CMTM8: variants seen among roughly 807,000 people sequenced by gnomAD.
CMTM8 encodes CKLF like MARVEL transmembrane domain containing 8.
In CMTM8, 12 loss-of-function variants were observed where a neutral mutation model predicts 18.6. The ratio of observed to expected loss-of-function variants is 0.65; its 90% confidence interval spans 0.41 to 1.05. The LOEUF (loss-of-function observed/expected upper bound fraction) is 1.05. Among genes scored for constraint, CMTM8 ranks in the 50% least tolerant of loss-of-function variants. The probability of loss-of-function intolerance (pLI) is 0.00; values close to 1 mark genes in which losing one functional copy is unlikely to be tolerated. For synonymous variants in CMTM8, 87 were observed against 90.6 expected, an observed-to-expected ratio of 0.96 and a Z score of 0.23; for missense variants, 217 against 227.2, an observed-to-expected ratio of 0.95 and a Z score of 0.29.
chr3:32,287,031 T>A (rs1702699867), intron 1 of CMTM8, among the ~76,000 whole-genome samples: 1 of 152,220 alleles, frequency 6.6e-6, no homozygotes, highest in Non-Finnish European at 1.5e-5. Flanking sequence ...AAAGGTGGAA[T>A]GGTGAGGTGC....
At chr3:32,306,703 A>T (rs9875310) in intron 1 of CMTM8, among the ~76,000 whole-genome samples, 1 of 152,018 alleles carries the variant, frequency 6.6e-6, no homozygotes, top group Non-Finnish European at 1.5e-5. Flanking sequence ...ATGAGACTGG[A>T]TACTTCCTTG....
chr3:32,355,725 A>G (rs775426899), intron 1 of CMTM8, among the ~76,000 whole-genome samples: 11 of 152,172 alleles, frequency 7.2e-5, no homozygotes, highest in Non-Finnish European at 2.9e-5. Context: ...TCCTGGGCTC[A>G]TATCATCTGA....
chr3:32,284,408 G>A (rs1221541250), intron 1 of CMTM8, among the ~76,000 whole-genome samples: 2 of 152,212 alleles, frequency 1.3e-5, no homozygotes, highest in Non-Finnish European at 2.9e-5. Flanking sequence ...GCAGCTGGAT[G>A]CCCTCTGCCA....
chr3:32,292,410 T>G (rs932928039), intron 1 of CMTM8, among the ~76,000 whole-genome samples: 1 of 152,202 alleles, frequency 6.6e-6, no homozygotes, highest in African/African-American at 2.4e-5. Context: ...CTCTCCTGTT[T>G]CCCATATGTT....
intron 1 of CMTM8, chr3:32,259,268 G>A (rs1702220484): frequency 1.6e-6 from 1 of 638,086 alleles, no homozygotes; most frequent in Non-Finnish European, 2.9e-6. Flanking sequence ...ACCGTGAACT[G>A]GAGGCTGGAG....
Position 32,326,408 on chromosome 3 carries a change from C to CT in CMTM8, c.148-30964dup, listed in dbSNP as rs1260740195. 2.0e-5 allele frequency among the ~76,000 whole-genome samples: 3 copies of CT among 152,104 alleles called. No homozygotes were observed. In the East Asian group the frequency reaches 5.8e-4, roughly 29 times the overall value. Reference sequence around the variant, plus strand: ...ACATTACCATCCAAAGTGTTGCTAACTCTATGGCCTTTTACCCTGTCCTCA... The same window carrying CT: ...ACATTACCATCCAAAGTGTTGCTAACTTCTATGGCCTTTTACCCTGTCCTCA... On this transcript the variant is annotated intron_variant, in intron 1 of 3. Coordinates refer to ENST00000307526, the MANE Select transcript of CMTM8 (RefSeq NM_178868.5).
chr3:32,279,993 G>A (rs542396771), intron 1 of CMTM8, among the ~76,000 whole-genome samples: 2 of 152,154 alleles, frequency 1.3e-5, no homozygotes, highest in East Asian at 1.9e-4. Context: ...AGAAGTGTCT[G>A]TTATTAATAA....
intron 1 of CMTM8, among the ~76,000 whole-genome samples, chr3:32,335,856 G>A (rs1696375738): frequency 6.6e-6 from 1 of 152,152 alleles, no homozygotes; most frequent in South Asian, 2.1e-4. Context: ...CTTGCAGGGC[G>A]GGAGATCAGA....
intron 2 of CMTM8, among the ~76,000 whole-genome samples, chr3:32,361,286 G>GTTTTTTTTTTGTTTTTT (rs58364646): frequency 6.9e-5 from 6 of 87,230 alleles, no homozygotes; most frequent in East Asian, 2.8e-4. Flanking sequence ...CAGCCTAAGA[G>GTTTTTTTTTTGTTTTTT]TTTTTTTTTC....
Position 32,319,074 on chromosome 3 carries a change from A to AT in CMTM8, c.148-38278dup, listed in dbSNP as rs1177949113. Among the ~76,000 whole-genome samples the AT allele has an allele frequency of 9.2e-4, 29 of 31,532 alleles. 2 individuals are homozygous for AT. The highest frequency in any genetic ancestry group is 1.2e-3 in the Non-Finnish European group (24 of 19,622). The allele number at this position is 31,532 out of a possible 152,430, so 20.7% of individuals were successfully genotyped here. A position where few individuals can be genotyped will look rare whatever the true frequency, so the allele number is the denominator to read the frequency against. Reference sequence around the variant, plus strand: ...TGTATATACATATATATATATATATATTTTTTTTTTTTTTTTTTTTTGAGA... The same window carrying AT: ...TGTATATACATATATATATATATATATTTTTTTTTTTTTTTTTTTTTTGAGA... On this transcript the variant is annotated intron_variant, in intron 1 of 3. Coordinates refer to ENST00000307526, the MANE Select transcript of CMTM8 (RefSeq NM_178868.5).
intron 1 of CMTM8, among the ~76,000 whole-genome samples, chr3:32,288,473 G>A (rs1261017253): frequency 2.7e-5 from 4 of 150,642 alleles, no homozygotes; most frequent in East Asian, 2.0e-4. Flanking sequence ...GTAGAGATGG[G>A]GGTCTCACTG....
At chr3:32,290,843 A>G (rs559408001) in intron 1 of CMTM8, among the ~76,000 whole-genome samples, 2 of 152,332 alleles carry the variant, frequency 1.3e-5, no homozygotes, top group East Asian at 3.9e-4. Flanking sequence ...GTGCAGGCCA[A>G]CTAATCTCAC....
At chr3:32,303,790 G>A (rs1695671673) in intron 1 of CMTM8, among the ~76,000 whole-genome samples, 1 of 152,050 alleles carries the variant, frequency 6.6e-6, no homozygotes, top group African/African-American at 2.4e-5. Flanking sequence ...TATTTTTGTT[G>A]TGGTTGTTGT....
chr3:32,348,775 A>G (rs1416505271), intron 1 of CMTM8, among the ~76,000 whole-genome samples: 1 of 152,044 alleles, frequency 6.6e-6, no homozygotes, highest in Admixed American at 6.6e-5. Flanking sequence ...TGCTGTGATT[A>G]CAGACATGAG....
At chr3:32,326,705 G>A (rs1396983402) in intron 1 of CMTM8, among the ~76,000 whole-genome samples, 2 of 151,612 alleles carry the variant, frequency 1.3e-5, no homozygotes, top group East Asian at 1.9e-4. Flanking sequence ...TAGTAGAGAC[G>A]GGGTTTCACC....
intron 1 of CMTM8, among the ~76,000 whole-genome samples, chr3:32,296,341 C>T (rs1179591683): frequency 6.6e-6 from 1 of 152,146 alleles, no homozygotes; most frequent in Non-Finnish European, 1.5e-5. Flanking sequence ...GTTCAGCCCC[C>T]TCCGGAGTAG....
chr3:32,301,697 G>T (rs1046836744), intron 1 of CMTM8, among the ~76,000 whole-genome samples: 11 of 150,564 alleles, frequency 7.3e-5, no homozygotes, highest in Non-Finnish European at 1.2e-4. Flanking sequence ...AATGATTTTG[G>T]TTTCCATCCA....
chr3:32,280,292 A>G (rs1702586745), intron 1 of CMTM8, among the ~76,000 whole-genome samples: 1 of 152,188 alleles, frequency 6.6e-6, no homozygotes. Context: ...CCAAGTAACA[A>G]AAGGATCATA....
At chr3:32,344,890 G>A (rs1696565027) in intron 1 of CMTM8, among the ~76,000 whole-genome samples, 1 of 151,954 alleles carries the variant, frequency 6.6e-6, no homozygotes, top group African/African-American at 2.4e-5. Flanking sequence ...TCAAGACCCT[G>A]TCTCAAAAAC....
Sources: allele counts gnomAD v4.1 joint callset (sites outside exome capture counted in the v4.1 genomes callset), GRCh38; gene constraint gnomAD v4.1.1; transcripts MANE v1.5; gene names NCBI Gene and HGNC (gene_info 2026-07-23, HGNC 2026-07-21).